FAM3B: variants seen among roughly 807,000 people sequenced by gnomAD.
FAM3B encodes the protein protein FAM3B.
FAM3B carries 29 observed loss-of-function variants against 28.4 expected under a neutral mutation model. The ratio of observed to expected loss-of-function variants is 1.02; its 90% CI spans 0.76 to 1.39. The LOEUF is 1.39. FAM3B is among the 40% of genes most tolerant of loss of function. The pLI, the probability that FAM3B is intolerant of heterozygous loss-of-function variation, is 0.00. For synonymous variants in FAM3B, 91 were observed against 103.0 expected, an observed-to-expected ratio of 0.88 and a Z score of 0.71; for missense variants, 266 against 293.9, an observed-to-expected ratio of 0.91 and a Z score of 0.69.
intron 2 of FAM3B, among the ~76,000 whole-genome samples, chr21:41,334,222 C>T (rs1369122975): frequency 6.6e-6 from 1 of 152,196 alleles, no homozygotes; most frequent in Non-Finnish European, 1.5e-5. Flanking sequence ...CCTGTTTTCA[C>T]AGGAGGAATT....
chr21:41,336,739 A>C (rs749771527), intron 2 of FAM3B, among the ~76,000 whole-genome samples: 5 of 152,176 alleles, frequency 3.3e-5, no homozygotes, highest in Non-Finnish European at 7.4e-5. Context: ...TAATTTTTGC[A>C]TTTAGGTGCT....
rs1177344063 is a variant in FAM3B, at chr21:41,311,248, AAAAATATATATATATATATATATAT to A, written n.99+6940_99+6964del. On this transcript the variant is annotated intron_variant and non_coding_transcript_variant, in intron 1 of 9. Coordinates refer to the FAM3B transcript ENST00000479810. ...AACCCTGTCTCTACAAAAAAAAAAA[AAAAATATATATATATATATATATAT>A]ATATATATATATATATATATATATG... is the stretch of plus-strand genomic sequence containing the variant. Among the ~76,000 whole-genome samples, 234 of 64,256 alleles carry A rather than the reference AAAAATATATATATATATATATATAT, an allele frequency of 3.6e-3. 11 individuals carry two copies. The highest frequency in any genetic ancestry group is 0.013 in the African/African-American group (220 of 16,720). 42.2% of individuals were successfully genotyped at this position (64,256 alleles called of 152,430 possible).
At position 41,323,048 on chromosome 21, in the gene FAM3B, G is replaced by A; in HGVS notation, c.145G>A (p.Glu49Lys). Reference sequence around the variant, plus strand: ...TGCCTATAGCATCCGCAGCATCGGGGAGAGGCCTGTCCTCAAAGGTGAGTG... The same window carrying A: ...TGCCTATAGCATCCGCAGCATCGGGAAGAGGCCTGTCCTCAAAGGTGAGTG... ...SAAYSIRSIG[E>K]RPVLKAPVPK... The change falls in exon 2 of 8, where the codon GAG becomes AAG. Residue 49 changes from glutamate to lysine, a missense_variant. By Grantham distance (56) the Glu-to-Lys change is moderately conservative (BLOSUM62 1). Coordinates refer to ENST00000357985, the MANE Select transcript of FAM3B (RefSeq NM_058186.4). 3.7e-6 allele frequency: 6 copies of A among 1,605,846 alleles called. No homozygotes were observed. Among genetic ancestry groups the A allele is most frequent in the Non-Finnish European group, 5.1e-6 (6 of 1,179,996 alleles).
intron 7 of FAM3B, among the ~76,000 whole-genome samples, chr21:41,355,818 G>A (rs2089159987): frequency 6.6e-6 from 1 of 152,142 alleles, no homozygotes; most frequent in Non-Finnish European, 1.5e-5. Flanking sequence ...TACATTGGTG[G>A]ATTTTACTAT....
intron 3 of FAM3B, among the ~76,000 whole-genome samples, chr21:41,342,042 C>T (rs2089011354): frequency 6.6e-6 from 1 of 152,196 alleles, no homozygotes; most frequent in African/African-American, 2.4e-5. Context: ...ATAGTGTGGT[C>T]TGCTGATAGT....
chr21:41,332,287 C>G (rs761968628), intron 2 of FAM3B, among the ~76,000 whole-genome samples: 1 of 152,200 alleles, frequency 6.6e-6, no homozygotes, highest in African/African-American at 2.4e-5. Context: ...TTCTTTAAAG[C>G]CTGCAGGACC....
Position 41,344,539 on chromosome 21 carries a change from G to A in FAM3B, c.346+5G>A, listed in dbSNP as rs767139285. On this transcript the variant is annotated splice_donor_5th_base_variant and intron_variant, in intron 4 of 7. Transcript: ENST00000357985. ...TAAACATTGCCATTGTCAACTGTAA[G>A]TTACTAAACATTTTCTTTAAACTTC... 7 of 1,612,680 alleles carry A rather than the reference G, an allele frequency of 4.3e-6. No homozygotes were observed. The African/African-American group carries it at 8.0e-5, about 18-fold the overall frequency.
chr21:41,305,948 A>C (rs534338100), intron 1 of FAM3B, among the ~76,000 whole-genome samples: 1 of 152,358 alleles, frequency 6.6e-6, no homozygotes, highest in East Asian at 1.9e-4. Flanking sequence ...CCCATAGTGT[A>C]AATTCTTTCA....
At chr21:41,307,426 T>C (rs992445536) in intron 1 of FAM3B, among the ~76,000 whole-genome samples, 2 of 152,260 alleles carry the variant, frequency 1.3e-5, no homozygotes. Context: ...TTATCATTTC[T>C]GTTTTCACTG....
intron 2 of FAM3B, among the ~76,000 whole-genome samples, chr21:41,335,165 C>T (rs967916937): frequency 6.6e-6 from 1 of 152,040 alleles, no homozygotes; most frequent in Non-Finnish European, 1.5e-5. Flanking sequence ...TTGCCTTGTC[C>T]CAGATGAGAC....
intron 7 of FAM3B, among the ~76,000 whole-genome samples, chr21:41,351,828 C>T (rs1472109878): frequency 6.6e-6 from 1 of 152,192 alleles, no homozygotes; most frequent in African/African-American, 2.4e-5. Context: ...TCCATCCAAC[C>T]TCTTGGTTTT....
rs926409448 is a variant in FAM3B at position 41,326,989 on chromosome 21, C to T, written c.163+3923C>T. Among the ~76,000 whole-genome samples the T allele has an allele frequency of 1.3e-5, 2 of 152,188 alleles. No homozygotes were observed. Among genetic ancestry groups the T allele is most frequent in the Non-Finnish European group, 2.9e-5 (2 of 68,038 alleles). On this transcript the variant is annotated intron_variant, in intron 2 of 7. Coordinates refer to ENST00000357985, the MANE Select transcript of FAM3B (RefSeq NM_058186.4). The surrounding 1 kb of genome is among the most constrained non-coding windows in gnomAD (Gnocchi z 4.0). ...GCCCTTTGATCATTGCAAAGGCTCC[C>T]AGTGCCTGTTGGTGCCAGAGCCACG... is the stretch of plus-strand genomic sequence containing the variant.
chr21:41,330,446 T>A (rs772750126), intron 2 of FAM3B, among the ~76,000 whole-genome samples: 7 of 152,244 alleles, frequency 4.6e-5, no homozygotes, highest in Non-Finnish European at 1.0e-4. Flanking sequence ...CATCTTGGAA[T>A]GTACCCCTTG....
At chr21:41,339,682 A>G (rs767811655) in intron 3 of FAM3B, among the ~76,000 whole-genome samples, 4 of 152,196 alleles carry the variant, frequency 2.6e-5, no homozygotes, top group Non-Finnish European at 5.9e-5. Flanking sequence ...TACTAACAAT[A>G]CAACTACTGA....
chr21:41,322,463 G>T (rs981348591), intron 1 of FAM3B: 11 of 654,130 alleles, frequency 1.7e-5, no homozygotes, highest in Non-Finnish European at 3.1e-5. Flanking sequence ...TATTCCCAGT[G>T]CTGGTGATAT....
chr21:41,333,650 T>A (rs148201540), intron 2 of FAM3B, among the ~76,000 whole-genome samples: 102 of 152,344 alleles, frequency 6.7e-4, no homozygotes, highest in African/African-American at 2.4e-3. Context: ...CTCAGATATT[T>A]CTTTCTGGCA....
upstream of FAM3B, among the ~76,000 whole-genome samples, chr21:41,316,014 G>A (rs756902866): frequency 6.6e-6 from 1 of 152,158 alleles, no homozygotes; most frequent in African/African-American, 2.4e-5. Context: ...AACTGGGCTC[G>A]GAGTTTTAAC....
intron 7 of FAM3B, among the ~76,000 whole-genome samples, chr21:41,354,781 A>G (rs1463736058): frequency 6.6e-6 from 1 of 152,288 alleles, no homozygotes; most frequent in South Asian, 2.1e-4. Context: ...ACAAACCCCT[A>G]TGATGCATGT....
At chr21:41,319,337 G>A (rs2088780604) in intron 1 of FAM3B, 1 of 152,206 alleles carries the variant, frequency 6.6e-6, no homozygotes, top group Non-Finnish European at 1.5e-5. Flanking sequence ...TTAGGAGAAA[G>A]TTCACTAGCT....
Sources: gnomAD v4.1 joint callset for allele counts (sites outside exome capture counted in the v4.1 genomes callset) on GRCh38, gnomAD v4.1.1 for gene constraint, Gnocchi (gnomAD v3.1) non-coding constraint, MANE v1.5 for transcripts, NCBI Gene and HGNC (gene_info 2026-07-23, HGNC 2026-07-21) for gene names.